Variants in ZMYM2 observed in about 807,000 individuals in gnomAD.
ZMYM2 encodes the protein zinc finger MYM-type containing 2.
Under a neutral mutation model 162.8 loss-of-function variants are expected in ZMYM2, and 56 were observed. The observed-to-expected ratio is 0.34, with a 90% CI of 0.28 to 0.43. The LOEUF (loss-of-function observed/expected upper bound fraction) is 0.43. Ranked by LOEUF, ZMYM2 falls within the 20% of genes least tolerant of loss-of-function variation. The probability of loss-of-function intolerance (pLI) is 1.00; values close to 1 mark genes in which losing one functional copy is unlikely to be tolerated. For synonymous variants in ZMYM2, 510 were observed against 541.6 expected, an observed-to-expected ratio of 0.94 and a Z score of 0.81; for missense variants, 1,275 against 1,621.8, an observed-to-expected ratio of 0.79 and a Z score of 3.67.
chr13:19,920,011 G>A, the ZMYM2 span, among the ~76,000 whole-genome samples: 7 of 152,116 alleles, frequency 4.6e-5, no homozygotes, highest in Non-Finnish European at 8.8e-5. Context: ...ATCCTGCTAT[G>A]TTGTCCAGTC....
chr13:20,055,670 C>T (rs1955737957), intron 14 of ZMYM2, among the ~76,000 whole-genome samples: 1 of 152,004 alleles, frequency 6.6e-6, no homozygotes, highest in African/African-American at 2.4e-5. Context: ...CATTATCGTA[C>T]ATCTAGAAAA....
chr13:20,003,793 C>G (rs760721976), intron 4 of ZMYM2, among the ~76,000 whole-genome samples: 1 of 152,080 alleles, frequency 6.6e-6, no homozygotes, highest in Non-Finnish European at 1.5e-5. Context: ...GGATTACAGG[C>G]TTTCGCCACC....
chr13:19,987,946 G>A (rs1274890646), intron 2 of ZMYM2, among the ~76,000 whole-genome samples: 1 of 152,142 alleles, frequency 6.6e-6, no homozygotes, highest in Non-Finnish European at 1.5e-5. Context: ...TGTATCTTTT[G>A]CGATTTTCCA....
chr13:19,922,695 T>C, the ZMYM2 span, among the ~76,000 whole-genome samples: 1 of 151,442 alleles, frequency 6.6e-6, no homozygotes, highest in East Asian at 2.0e-4. Flanking sequence ...ATACAAAAAA[T>C]TAGCCAGGCG....
the ZMYM2 span, among the ~76,000 whole-genome samples, chr13:19,897,861 A>G: frequency 6.6e-6 from 1 of 152,184 alleles, no homozygotes; most frequent in South Asian, 2.1e-4. Context: ...AGTAAACTTA[A>G]CAGAATTGAG....
chr13:19,967,465 C>T (rs1235376096), intron 2 of ZMYM2, among the ~76,000 whole-genome samples: 2 of 152,134 alleles, frequency 1.3e-5, no homozygotes, highest in African/African-American at 4.8e-5. Flanking sequence ...TAAATCTGCC[C>T]TGCTCATGAA....
Position 20,019,564 on chromosome 13 carries a change from C to A in ZMYM2, c.1530C>A (p.Ser510Arg). 6.3e-7 allele frequency: 1 copy of A among 1,592,126 alleles called. No homozygotes were observed. The highest frequency in any genetic ancestry group is 2.3e-5 in the East Asian group (1 of 44,336). Residue 510 changes from serine to arginine, a missense_variant, in exon 7 of 25, where the codon AGC (serine) becomes AGA (arginine). Physicochemically the swap from Ser to Arg is moderately radical, Grantham distance 110. Transcript: ENST00000610343. Reference sequence around the variant, plus strand: ...TTTTTTAGGTAGGTAGCCATCCAAGCTTCCTGAAGGAGGTTCGAGATCACA... The same window carrying A: ...TTTTTTAGGTAGGTAGCCATCCAAGATTCCTGAAGGAGGTTCGAGATCACA... ...SEYKQVGSHP[S>R]FLKEVRDHMQ...
chr13:20,075,901 G>C (rs1957466687), intron 21 of ZMYM2, among the ~76,000 whole-genome samples: 2 of 151,340 alleles, frequency 1.3e-5, no homozygotes, highest in Non-Finnish European at 2.9e-5. Context: ...TCGCCATGTT[G>C]GCCAGGCTGG....
chr13:19,893,476 G>T, the ZMYM2 span, among the ~76,000 whole-genome samples: 1 of 151,858 alleles, frequency 6.6e-6, no homozygotes, highest in Non-Finnish European at 1.5e-5. Context: ...GGTGGCTCAC[G>T]CCTGTAATCC....
the ZMYM2 span, among the ~76,000 whole-genome samples, chr13:19,875,867 G>C: frequency 6.6e-6 from 1 of 151,868 alleles, no homozygotes; most frequent in Non-Finnish European, 1.5e-5. Context: ...ACTACCTATT[G>C]AGTACTATGT....
the ZMYM2 span, among the ~76,000 whole-genome samples, chr13:19,950,642 G>A: frequency 6.6e-6 from 1 of 152,162 alleles, no homozygotes; most frequent in Non-Finnish European, 1.5e-5. Flanking sequence ...CTGCAAAGTC[G>A]TTCTGAACCT....
intron 2 of ZMYM2, among the ~76,000 whole-genome samples, chr13:19,986,691 T>G (rs1949172514): frequency 6.6e-6 from 1 of 152,178 alleles, no homozygotes; most frequent in Non-Finnish European, 1.5e-5. Flanking sequence ...TAAATACAAG[T>G]ACTGTCATCA....
At chr13:20,059,143 T>G (rs561206915) in intron 15 of ZMYM2, among the ~76,000 whole-genome samples, 3 of 152,146 alleles carry the variant, frequency 2.0e-5, no homozygotes, top group African/African-American at 7.2e-5. Context: ...TAAATAAGCC[T>G]TTGGGGAGGT....
chr13:20,005,795 TTAA>T (rs1394932608), intron 5 of ZMYM2, among the ~76,000 whole-genome samples: 1 of 152,194 alleles, frequency 6.6e-6, no homozygotes, highest in African/African-American at 2.4e-5. Context: ...TCTATGAAGT[TTAA>T]TATCACCACT....
At chr13:19,987,615 T>G (rs1949273105) in intron 2 of ZMYM2, among the ~76,000 whole-genome samples, 1 of 105,574 alleles carries the variant, frequency 9.5e-6, no homozygotes, top group Admixed American at 1.0e-4. Context: ...AAGATGGGGT[T>G]TTGTCGTGTG....
chr13:20,065,121 T>C (rs904018458), intron 19 of ZMYM2, among the ~76,000 whole-genome samples: 3 of 152,310 alleles, frequency 2.0e-5, no homozygotes, highest in Admixed American at 6.5e-5. Context: ...GTAATTGTTA[T>C]AATATTCTGT....
At chr13:20,030,239 T>C (rs1265035161) in intron 9 of ZMYM2, among the ~76,000 whole-genome samples, 2 of 151,606 alleles carry the variant, frequency 1.3e-5, no homozygotes, top group African/African-American at 4.8e-5. Flanking sequence ...CCTCTTTTTT[T>C]TTTTTTTTCC....
rs374914450 is a variant in ZMYM2 at position 19,967,346 on chromosome 13, C to G, written c.-11+7320C>G. On this transcript the variant is annotated intron_variant, in intron 2 of 24. Coordinates refer to ENST00000610343, the MANE Select transcript of ZMYM2 (RefSeq NM_197968.4). ...CACATGGAAAGGGAACTAGTGAGTA[C>G]TAAGAGAAGATTGGAAGGGTAACGA... Among the ~76,000 whole-genome samples, 132 of 152,156 alleles carry G rather than the reference C, an allele frequency of 8.7e-4. 4 individuals are homozygous for G. The South Asian group carries it at 0.026, about 30-fold the overall frequency.
chr13:19,890,456 T>TTCACTGCCCTA, the ZMYM2 span, among the ~76,000 whole-genome samples: 1 of 132,436 alleles, frequency 7.6e-6, no homozygotes, highest in Non-Finnish European at 1.5e-5. Flanking sequence ...GCATGAGCCA[T>TTCACTGCCCTA]AGTTCACTGC....
Sources: gnomAD v4.1 joint callset for allele counts (sites outside exome capture counted in the v4.1 genomes callset) on GRCh38, gnomAD v4.1.1 for gene constraint, MANE v1.5 for transcripts, NCBI Gene and HGNC (gene_info 2026-07-23, HGNC 2026-07-21) for gene names.